The following ANO3 variants were observed in gnomAD, a reference collection of about 807,000 sequenced individuals.
ANO3 encodes anoctamin-3.
ANO3 carries 99 observed loss-of-function variants against 144.8 expected under a neutral mutation model. That is an observed-to-expected ratio of 0.68 (90% CI 0.58 to 0.81). The LOEUF is 0.81. ANO3 is among the 30% of genes least tolerant of loss of function. ANO3 has a pLI of 0.00. For missense variants in ANO3, 905 were observed against 1,202.2 expected, an observed-to-expected ratio of 0.75 and a Z score of 3.66; for synonymous variants, 414 against 392.6, an observed-to-expected ratio of 1.05 and a Z score of -0.64.
chr11:26,188,834 C>A (rs1851424609), upstream of ANO3, among the ~76,000 whole-genome samples: 1 of 152,124 alleles, frequency 6.6e-6, no homozygotes, highest in Non-Finnish European at 1.5e-5. Flanking sequence ...CTCTCTGCAG[C>A]CTTGCCTATG....
At chr11:26,412,549 C>T (rs1160770854) in intron 1 of ANO3, among the ~76,000 whole-genome samples, 1 of 151,484 alleles carries the variant, frequency 6.6e-6, no homozygotes, top group East Asian at 2.0e-4. Context: ...GCATGGCTGG[C>T]ACCTGGTATA....
chr11:26,551,657 G>C (rs977976141), intron 12 of ANO3, among the ~76,000 whole-genome samples: 1 of 152,052 alleles, frequency 6.6e-6, no homozygotes, highest in Middle Eastern at 3.4e-3. Flanking sequence ...TTTAGTATAA[G>C]ATTCTAAAGC....
At chr11:26,191,149 G>T (rs1160048097) in intron 1 of ANO3, among the ~76,000 whole-genome samples, 1 of 152,028 alleles carries the variant, frequency 6.6e-6, no homozygotes, top group Non-Finnish European at 1.5e-5. Context: ...GGTGGCACAT[G>T]CCTGTAATCC....
rs759820552 is a variant in ANO3 at position 26,565,781 on chromosome 11, AT to A, written c.1447+6006del. 5.6e-6 allele frequency: 9 copies of A among 1,613,088 alleles called. No individual in the cohort carries two copies. The East Asian group carries it at 2.0e-4, about 36-fold the overall frequency. On this transcript the variant is annotated intron_variant, in intron 14 of 26. Coordinates refer to ENST00000256737, the MANE Select transcript of ANO3 (RefSeq NM_031418.4). ...TGTTCTGTGTTGTGTTTATGTCTTGATTTTCTTTTCCATGGCTCCCCGATAG... is the reference window on the plus strand; with the variant it reads ...TGTTCTGTGTTGTGTTTATGTCTTGATTTCTTTTCCATGGCTCCCCGATAG...
chr11:26,542,017 G>A lies in ANO3; in HGVS notation c.1103G>A (p.Arg368His), dbSNP rs141456844. 11 of 1,612,656 alleles carry A rather than the reference G, an allele frequency of 6.8e-6. No individual in the cohort carries two copies. The highest frequency in any genetic ancestry group is 2.7e-5 in the African/African-American group (2 of 74,830). Residue 368 changes from arginine to histidine, a missense_variant, in exon 11 of 27, where the codon CGC becomes CAC. Coordinates refer to ENST00000256737, the MANE Select transcript of ANO3 (RefSeq NM_031418.4). ...AATAACAGACATCTATTATATGAGC[G>A]CTGGGCACGCTGGGGAATGTGGTAT... ...PQNNRHLLYE[R>H]WARWGMWYKH...
chr11:26,613,791 G>A (rs544068893), intron 17 of ANO3, among the ~76,000 whole-genome samples: 1 of 152,314 alleles, frequency 6.6e-6, no homozygotes, highest in South Asian at 2.1e-4. Context: ...GTCTATGGTT[G>A]ACTATAAGGG....
At chr11:26,488,018 T>C (rs1860532812) in intron 4 of ANO3, among the ~76,000 whole-genome samples, 1 of 151,916 alleles carries the variant, frequency 6.6e-6, no homozygotes, top group Non-Finnish European at 1.5e-5. Flanking sequence ...ATACAAAAAT[T>C]AGCTGGGCGT....
At chr11:26,344,922 T>G (rs1377821274) in intron 1 of ANO3, among the ~76,000 whole-genome samples, 10 of 150,774 alleles carry the variant, frequency 6.6e-5, no homozygotes, top group Admixed American at 6.1e-4. Flanking sequence ...TGTATATATA[T>G]TCCATATTAA....
chr11:26,530,631 C>G (rs1044305758), intron 7 of ANO3, among the ~76,000 whole-genome samples: 3 of 151,334 alleles, frequency 2.0e-5, no homozygotes, highest in African/African-American at 7.3e-5. Flanking sequence ...GAGGCCGAGG[C>G]GGGTGGATCT....
intron 4 of ANO3, among the ~76,000 whole-genome samples, chr11:26,490,509 T>A (rs1420058501): frequency 6.6e-6 from 1 of 152,234 alleles, no homozygotes; most frequent in Non-Finnish European, 1.5e-5. Flanking sequence ...TACTGTTCAA[T>A]ATTTAGGTGT....
chr11:26,539,133 T>TAC (rs68138224), intron 10 of ANO3, among the ~76,000 whole-genome samples: 141 of 149,300 alleles, frequency 9.4e-4, no homozygotes, highest in African/African-American at 3.3e-3. Flanking sequence ...ACAAGAGAAA[T>TAC]ACACACACAC....
intron 4 of ANO3, among the ~76,000 whole-genome samples, chr11:26,495,062 T>C (rs1860873195): frequency 1.3e-5 from 2 of 150,936 alleles, no homozygotes; most frequent in South Asian, 4.2e-4. Flanking sequence ...GTTTATCTTT[T>C]ATAAATATCT....
intron 1 of ANO3, among the ~76,000 whole-genome samples, chr11:26,354,056 A>T (rs1855716529): frequency 6.6e-6 from 1 of 152,192 alleles, no homozygotes; most frequent in Non-Finnish European, 1.5e-5. Context: ...TATTTTATTT[A>T]GTTCCTTTTT....
chr11:26,212,256 A>G (rs1457032587), intron 1 of ANO3, among the ~76,000 whole-genome samples: 1 of 151,988 alleles, frequency 6.6e-6, no homozygotes, highest in East Asian at 1.9e-4. Context: ...AGAAATTCAA[A>G]AGCTACCAGG....
chr11:26,199,160 G>T (rs1398481710), intron 1 of ANO3, among the ~76,000 whole-genome samples: 2 of 151,682 alleles, frequency 1.3e-5, no homozygotes, highest in Admixed American at 6.6e-5. Flanking sequence ...TGTGCCCGCA[G>T]TCAAGCAGTC....
intron 1 of ANO3, among the ~76,000 whole-genome samples, chr11:26,324,057 G>C (rs1355457582): frequency 1.3e-5 from 2 of 152,164 alleles, no homozygotes; most frequent in Non-Finnish European, 2.9e-5. Flanking sequence ...CTGACTCAGA[G>C]CTTGGTAGAT....
chr11:26,432,387 T>C (rs747756208), intron 1 of ANO3, among the ~76,000 whole-genome samples: 13 of 152,122 alleles, frequency 8.5e-5, no homozygotes, highest in Non-Finnish European at 1.9e-4. Context: ...ATAGTTTCTT[T>C]CCCTGCGAAG....
Position 26,560,854 on chromosome 11 carries a change from G to T in ANO3, c.1447+1075G>T, listed in dbSNP as rs1342140774. 1.1e-5 allele frequency: 5 copies of T among 448,288 alleles called. No homozygotes were observed. In the East Asian group the frequency reaches 2.0e-4, roughly 18 times the overall value. 27.8% of individuals were successfully genotyped at this position (448,288 alleles called of 1,614,324 possible). ...CTAAAATACAAATTAAGGCTACTTA[G>T]TAAATGCCTCAGGATGGCCAAAAAT... On this transcript the variant is annotated intron_variant, in intron 14 of 26. Coordinates refer to ENST00000256737, the MANE Select transcript of ANO3 (RefSeq NM_031418.4).
intron 1 of ANO3, among the ~76,000 whole-genome samples, chr11:26,357,543 G>A (rs1057474433): frequency 6.6e-6 from 1 of 151,294 alleles, no homozygotes; most frequent in African/African-American, 2.4e-5. Context: ...TTTTAAATCA[G>A]GTCATCAGTG....
Sources: allele counts gnomAD v4.1 joint callset (sites outside exome capture counted in the v4.1 genomes callset), GRCh38; gene constraint gnomAD v4.1.1; transcripts MANE v1.5; gene names NCBI Gene and HGNC (gene_info 2026-07-23, HGNC 2026-07-21).